The following PTPRG variants were observed in gnomAD, a reference collection of about 807,000 sequenced individuals.
PTPRG encodes the protein protein tyrosine phosphatase receptor type G, also known as receptor-type tyrosine-protein phosphatase gamma.
Under a neutral mutation model 165.3 loss-of-function variants are expected in PTPRG, and 102 were observed. The ratio of observed to expected loss-of-function variants is 0.62; its 90% CI spans 0.53 to 0.73. The LOEUF (loss-of-function observed/expected upper bound fraction) is 0.73. PTPRG is among the 30% of genes least tolerant of loss of function. The pLI is 0.00. For synonymous variants in PTPRG, 675 were observed against 669.5 expected (o/e 1.01, Z -0.13); for missense variants, 1,866 against 1,861.4 (o/e 1.00, Z -0.05).
intron 9 of PTPRG, among the ~76,000 whole-genome samples, chr3:62,193,673 G>A (rs981014500): frequency 2.0e-5 from 3 of 152,220 alleles, no homozygotes; most frequent in Non-Finnish European, 4.4e-5. Context: ...GAGGCTTAAA[G>A]TTAAATAACA....
At chr3:62,140,851 CAAAAAAAAAAAA>C (rs58630476) in intron 6 of PTPRG, among the ~76,000 whole-genome samples, 2 of 71,194 alleles carry the variant, frequency 2.8e-5, no homozygotes, top group Non-Finnish European at 5.6e-5. Context: ...GACTCGGTCT[CAAAAAAAAAAAA>C]AAAAAAAAAA....
At chr3:62,019,651 CCACA>C (rs776390265) in intron 4 of PTPRG, among the ~76,000 whole-genome samples, 1 of 151,168 alleles carries the variant, frequency 6.6e-6, no homozygotes, top group African/African-American at 2.4e-5. Context: ...AATATTACTG[CCACA>C]CACACACACA....
At chr3:61,752,051 T>A (rs1032346160) in intron 2 of PTPRG, among the ~76,000 whole-genome samples, 8 of 152,180 alleles carry the variant, frequency 5.3e-5, no homozygotes, top group African/African-American at 1.9e-4. Flanking sequence ...TAGTTAATAT[T>A]ACTTCTTGCT....
At chr3:61,829,698 T>C (rs2036217563) in intron 2 of PTPRG, among the ~76,000 whole-genome samples, 1 of 152,120 alleles carries the variant, frequency 6.6e-6, no homozygotes, top group Non-Finnish European at 1.5e-5. Flanking sequence ...GCAGGATTTT[T>C]TGTTGTTTTG....
At chr3:62,144,683 G>T (rs1157371406) in intron 6 of PTPRG, among the ~76,000 whole-genome samples, 1 of 152,118 alleles carries the variant, frequency 6.6e-6, no homozygotes, top group East Asian at 1.9e-4. Context: ...AAATCTTCTA[G>T]AAACAGGCAC....
chr3:61,847,784 A>G (rs1055067818), intron 2 of PTPRG, among the ~76,000 whole-genome samples: 5 of 152,260 alleles, frequency 3.3e-5, no homozygotes, highest in African/African-American at 9.6e-5. Flanking sequence ...GGGCTGGTCA[A>G]CATGTCCAGA....
At chr3:61,873,159 A>C (rs933035668) in intron 2 of PTPRG, among the ~76,000 whole-genome samples, 2 of 152,164 alleles carry the variant, frequency 1.3e-5, no homozygotes, top group African/African-American at 4.8e-5. Flanking sequence ...ATTTAGAGAA[A>C]TTTTGATACA....
chr3:61,894,495 T>TAACAAA (rs2038299240), intron 2 of PTPRG, among the ~76,000 whole-genome samples: 2 of 152,122 alleles, frequency 1.3e-5, no homozygotes, highest in South Asian at 4.1e-4. Context: ...AAACATTTAT[T>TAACAAA]TTTGGGATCC....
chr3:61,639,534 A>T (rs1186072741), intron 1 of PTPRG, among the ~76,000 whole-genome samples: 2 of 152,038 alleles, frequency 1.3e-5, no homozygotes, highest in Non-Finnish European at 2.9e-5. Flanking sequence ...GATTCTTCCA[A>T]TCCATGAGCA....
intron 4 of PTPRG, among the ~76,000 whole-genome samples, chr3:62,040,861 C>T (rs1700104389): frequency 6.6e-6 from 1 of 152,186 alleles, no homozygotes; most frequent in Non-Finnish European, 1.5e-5. Flanking sequence ...CTGGGTGTGG[C>T]CTCTGCATAT....
At chr3:62,231,800 T>A (rs1284799866) in intron 14 of PTPRG, among the ~76,000 whole-genome samples, 1 of 152,008 alleles carries the variant, frequency 6.6e-6, no homozygotes, top group Non-Finnish European at 1.5e-5. Flanking sequence ...ACTATGTGTT[T>A]TTCCTTAAGA....
intron 2 of PTPRG, among the ~76,000 whole-genome samples, chr3:61,767,506 A>T (rs562241019): frequency 2.0e-5 from 3 of 152,312 alleles, no homozygotes; most frequent in Admixed American, 6.5e-5. Context: ...CAGGATATTA[A>T]ATGTGTTTAA....
chr3:61,591,346 T>G (rs1473137446), intron 1 of PTPRG, among the ~76,000 whole-genome samples: 1 of 152,176 alleles, frequency 6.6e-6, no homozygotes, highest in African/African-American at 2.4e-5. Flanking sequence ...TTTCTTCTTG[T>G]GGATGCTATT....
chr3:61,884,561 A>C (rs75429355), intron 2 of PTPRG, among the ~76,000 whole-genome samples: 402 of 152,324 alleles, frequency 2.6e-3, no homozygotes, highest in African/African-American at 9.3e-3. Flanking sequence ...AAGTGAGAAG[A>C]TACAAGGTTT....
chr3:61,940,839 T>A lies in PTPRG; in HGVS notation c.191-48786T>A, dbSNP rs559125405. On this transcript the variant is annotated intron_variant, in intron 2 of 29. Coordinates refer to ENST00000474889, the MANE Select transcript of PTPRG (RefSeq NM_002841.4). ...CCACCATGCCCGGCTAATTTTTTTG[T>A]ATTTTTAGTAGAGATGGGGTTTCAC... Among the ~76,000 whole-genome samples, 136 of 152,176 alleles carry A rather than the reference T, an allele frequency of 8.9e-4. 1 individual carries two copies. Among genetic ancestry groups the A allele is most frequent in the Middle Eastern group, 3.4e-3 (1 of 294 alleles).
chr3:61,919,509 A>G (rs1290927318), intron 2 of PTPRG, among the ~76,000 whole-genome samples: 2 of 152,150 alleles, frequency 1.3e-5, no homozygotes, highest in African/African-American at 4.8e-5. Context: ...GGAGTTTCCT[A>G]CTTAATGATG....
At chr3:62,258,638 G>C (rs1701606689) in intron 16 of PTPRG, among the ~76,000 whole-genome samples, 1 of 152,174 alleles carries the variant, frequency 6.6e-6, no homozygotes. Context: ...TGGTACCTTT[G>C]ACTCTTTGTC....
intron 5 of PTPRG, among the ~76,000 whole-genome samples, chr3:62,104,443 C>T (rs1702404441): frequency 6.6e-6 from 1 of 152,212 alleles, no homozygotes; most frequent in Non-Finnish European, 1.5e-5. Flanking sequence ...TACCTAAGGA[C>T]TTTCAGCCCT....
intron 2 of PTPRG, among the ~76,000 whole-genome samples, chr3:61,855,671 T>TTA (rs1491517733): frequency 7.1e-6 from 1 of 139,868 alleles, no homozygotes. Context: ...TTTTTTTTTT[T>TTA]AAAAGCAAAG....
Sources: allele counts gnomAD v4.1 joint callset (sites outside exome capture counted in the v4.1 genomes callset), GRCh38; gene constraint gnomAD v4.1.1; transcripts MANE v1.5; gene names NCBI Gene and HGNC (gene_info 2026-07-23, HGNC 2026-07-21).